ANXA10: variants seen among roughly 807,000 people sequenced by gnomAD.
ANXA10 encodes the protein annexin A10, also known as annexin 14.
Under a neutral mutation model 53.5 loss-of-function variants are expected in ANXA10, and 49 were observed. That is an observed-to-expected ratio of 0.92 (90% CI 0.73 to 1.16). The LOEUF (loss-of-function observed/expected upper bound fraction) is 1.16, where lower values mean the gene tolerates loss of function less well. Ranked by LOEUF, ANXA10 falls within the 50% of genes most tolerant of loss-of-function variation. The probability of loss-of-function intolerance (pLI) is 0.00; values close to 1 mark genes in which losing one functional copy is unlikely to be tolerated. For missense variants in ANXA10, 393 were observed against 394.4 expected (o/e 1.00, Z 0.03); for synonymous variants, 131 against 128.9 (o/e 1.02, Z -0.11).
intron 3 of ANXA10, 34 bp from the exon 4 acceptor site, chr4:168,162,494 C>T (rs1339791445): frequency 6.7e-7 from 1 of 1,494,028 alleles, no homozygotes; most frequent in South Asian, 1.2e-5. Flanking sequence ...AATTTGGTAA[C>T]ATATAATAAA....
At chr4:168,099,052 G>A (rs1042323840) in intron 1 of ANXA10, among the ~76,000 whole-genome samples, 1 of 152,068 alleles carries the variant, frequency 6.6e-6, no homozygotes, top group Admixed American at 6.6e-5. Flanking sequence ...AGAATGGAAG[G>A]CATTGTAGTA....
chr4:168,151,228 C>G (rs1465129855), intron 3 of ANXA10, among the ~76,000 whole-genome samples: 1 of 152,032 alleles, frequency 6.6e-6, no homozygotes, highest in African/African-American at 2.4e-5. Flanking sequence ...GATATTTAAA[C>G]AGCAAAGAAC....
intron 3 of ANXA10, 112 bp downstream of exon 3, chr4:168,139,692 C>A: frequency 1.5e-6 from 1 of 668,434 alleles, no homozygotes. Context: ...ATATCTCAGA[C>A]ATCATTATAT....
intron 3 of ANXA10, among the ~76,000 whole-genome samples, chr4:168,145,787 C>CTAAG (rs1329665668): frequency 6.6e-6 from 1 of 152,160 alleles, no homozygotes; most frequent in Non-Finnish European, 1.5e-5. Context: ...AACTTCCCTA[C>CTAAG]TAAGCTAAGT....
At chr4:168,110,248 T>A (rs1193983987) in intron 1 of ANXA10, among the ~76,000 whole-genome samples, 1 of 151,946 alleles carries the variant, frequency 6.6e-6, no homozygotes, top group African/African-American at 2.4e-5. Context: ...TAAAAATAAA[T>A]AAACTCCATG....
intron 1 of ANXA10, among the ~76,000 whole-genome samples, chr4:168,108,001 G>A (rs12152675): frequency 0.15 from 23,117 of 152,122 alleles, 2,072 homozygotes; most frequent in Non-Finnish European, 0.21. Flanking sequence ...AATTTAAAAT[G>A]TCTAATCTTG....
At chr4:168,128,328 A>C (rs997325866) in intron 2 of ANXA10, among the ~76,000 whole-genome samples, 163 bp downstream of exon 2, 2 of 152,102 alleles carry the variant, frequency 1.3e-5, no homozygotes, top group Non-Finnish European at 2.9e-5. Flanking sequence ...GAGAAGAAAA[A>C]TAATATAAAA....
rs1732394376 is a variant in ANXA10 at position 168,187,518 on chromosome 4, G to A, written c.*84G>A. On this transcript the variant is annotated 3_prime_UTR_variant, in exon 12 of 12. Transcript: ENST00000359299. ...TTTCTCACAAATTTGTACTGTTCAT[G>A]GCACTATTAACAAAACTATACAATC... The A allele has an allele frequency of 6.1e-6, 5 of 823,992 alleles. No individual in the cohort carries two copies. Among genetic ancestry groups the A allele is most frequent in the Non-Finnish European group, 7.3e-6 (4 of 547,096 alleles). The allele number at this position is 823,992 out of a possible 1,614,324, so 51.0% of individuals were successfully genotyped here. A position where few individuals can be genotyped will look rare whatever the true frequency, so the allele number is the denominator to read the frequency against.
At chr4:168,156,111 T>C (rs1377671479) in intron 3 of ANXA10, among the ~76,000 whole-genome samples, 24 of 47,810 alleles carry the variant, frequency 5.0e-4, no homozygotes, top group African/African-American at 1.7e-3. Flanking sequence ...ATAAATATTA[T>C]ATTTATTTAT....
chr4:168,155,804 A>T (rs1312713948), intron 3 of ANXA10, among the ~76,000 whole-genome samples: 1 of 40,510 alleles, frequency 2.5e-5, no homozygotes, highest in Non-Finnish European at 4.1e-5. Context: ...AATATATAAT[A>T]TATGATATAT....
intron 1 of ANXA10, among the ~76,000 whole-genome samples, chr4:168,103,948 T>G (rs897659824): frequency 8.5e-5 from 13 of 152,086 alleles, no homozygotes; most frequent in African/African-American, 3.1e-4. Context: ...AATAACATTC[T>G]TGCTTTCTTC....
rs1044768313 is a variant in ANXA10 at position 168,128,098 on chromosome 4, C to T, written c.33C>T (p.Ile11=). The part of the protein sequence containing the change: MFCGDYVQGT[I]FPAPNFNPIM... ...TTTCCCACCAGGTGCAAGGAACCAT[C>T]TTCCCAGCTCCCAATTTCAATCCCA... The change falls in exon 2 of 12, where the codon ATC becomes ATT. Residue 11 remains isoleucine, a synonymous_variant. Coordinates refer to ENST00000359299, the MANE Select transcript of ANXA10 (RefSeq NM_007193.5). 3 of 1,613,242 alleles carry T rather than the reference C, an allele frequency of 1.9e-6. No individual in the cohort carries two copies. The South Asian group carries it at 3.3e-5, about 18-fold the overall frequency.
intron 2 of ANXA10, among the ~76,000 whole-genome samples, chr4:168,132,825 T>C (rs1242819188): frequency 4.6e-5 from 7 of 152,110 alleles, no homozygotes; most frequent in Non-Finnish European, 1.0e-4. Context: ...AATTATGTTC[T>C]TGCCTAGGAG....
intron 6 of ANXA10, among the ~76,000 whole-genome samples, chr4:168,173,152 A>G (rs539479377): frequency 1.3e-5 from 2 of 152,304 alleles, no homozygotes; most frequent in South Asian, 4.1e-4. Context: ...GAGCAAAAAT[A>G]TGGATAAAAG....
intron 9 of ANXA10, among the ~76,000 whole-genome samples, chr4:168,180,792 T>C (rs962841514): frequency 1.3e-5 from 2 of 152,224 alleles, no homozygotes; most frequent in African/African-American, 4.8e-5. Context: ...ATGTATTAAT[T>C]TGTTAACCTC....
At chr4:168,122,664 C>G (rs1229175200) in intron 1 of ANXA10, among the ~76,000 whole-genome samples, 1 of 152,160 alleles carries the variant, frequency 6.6e-6, no homozygotes, top group African/African-American at 2.4e-5. Flanking sequence ...GAAGGTGAAG[C>G]AGGAGGTTGC....
chr4:168,095,052 T>C (rs1357883395), intron 1 of ANXA10, among the ~76,000 whole-genome samples: 1 of 152,068 alleles, frequency 6.6e-6, no homozygotes, highest in Non-Finnish European at 1.5e-5. Context: ...TATTATAATA[T>C]TATAATAGCT....
At chr4:168,173,890 T>C (rs1204826038) in intron 6 of ANXA10, among the ~76,000 whole-genome samples, 1 of 152,082 alleles carries the variant, frequency 6.6e-6, no homozygotes, top group Non-Finnish European at 1.5e-5. Context: ...TTTTTTAGCC[T>C]TTTTGCGTCC....
At chr4:168,163,092 T>C (rs929879903) in intron 4 of ANXA10, among the ~76,000 whole-genome samples, 1 of 152,216 alleles carries the variant, frequency 6.6e-6, no homozygotes, top group Admixed American at 6.5e-5. Context: ...TTATATTTTC[T>C]TTTTATGACC....
Sources: allele counts gnomAD v4.1 joint callset (sites outside exome capture counted in the v4.1 genomes callset), GRCh38; gene constraint gnomAD v4.1.1; transcripts MANE v1.5; gene names NCBI Gene and HGNC (gene_info 2026-07-23, HGNC 2026-07-21).